AGAP1: variants seen among roughly 807,000 people sequenced by gnomAD.
The protein encoded by AGAP1 is arf-GAP with GTPase, ANK repeat and PH domain-containing protein 1.
AGAP1 carries 29 observed loss-of-function variants against 105.3 expected under a neutral mutation model. That is an observed-to-expected ratio of 0.28 (90% CI 0.21 to 0.38). AGAP1 has a LOEUF of 0.38. Among genes scored for constraint, AGAP1 ranks in the 10% least tolerant of loss-of-function variants. The pLI is 1.00. For synonymous variants in AGAP1, 509 were observed against 485.9 expected (o/e 1.05, Z -0.63); for missense variants, 998 against 1,165.1 (o/e 0.86, Z 2.09).
rs750695644 is a variant in AGAP1, at chr2:235,961,340, G to A, written c.1484-7122G>A. ...CCTGCCTAGCAGAACCCCTCCACAC[G>A]GCTCCCCGTCTAAGGCGGCAGGGAT... On this transcript the variant is annotated intron_variant, in intron 12 of 17. Transcript: ENST00000304032. The surrounding 1 kb of genome is among the most constrained non-coding windows in gnomAD (Gnocchi z 5.9). Among the ~76,000 whole-genome samples, 3 of 152,202 alleles carry A rather than the reference G, an allele frequency of 2.0e-5. No individual in the cohort carries two copies. The highest frequency in any genetic ancestry group is 2.1e-4 in the South Asian group (1 of 4,834).
intron 6 of AGAP1, among the ~76,000 whole-genome samples, chr2:235,761,576 C>T (rs543549055): frequency 2.6e-5 from 4 of 152,288 alleles, no homozygotes; most frequent in African/African-American, 9.6e-5. Context: ...TTAATGCATA[C>T]AAATGGCTTT....
At chr2:235,974,770 A>G (rs1205395561) in intron 13 of AGAP1, among the ~76,000 whole-genome samples, 1 of 152,254 alleles carries the variant, frequency 6.6e-6, no homozygotes, top group Non-Finnish European at 1.5e-5. Context: ...TCACTCTTTC[A>G]AAGGAGAACC....
In AGAP1 at chr2:235,960,725, G is replaced by T. The variant is rs548589813; in HGVS notation, c.1484-7737G>T. ...ATCAGCCCCGTGGGACAGGGGTCTT[G>T]CCCTTTATTCTCTGACAGCGGCCAG... On this transcript the variant is annotated intron_variant, in intron 12 of 17. Coordinates refer to ENST00000304032, the MANE Select transcript of AGAP1 (RefSeq NM_001037131.3). This position sits in a 1 kb window ranked among gnomAD's most constrained non-coding sequence, Gnocchi z 4.9. 1.3e-5 allele frequency among the ~76,000 whole-genome samples: 2 copies of T among 152,326 alleles called. No individual in the cohort carries two copies. The highest frequency in any genetic ancestry group is 4.1e-4 in the South Asian group (2 of 4,830).
chr2:235,950,199 AAG>A (rs1221028839), intron 12 of AGAP1, among the ~76,000 whole-genome samples: 1 of 152,154 alleles, frequency 6.6e-6, no homozygotes, highest in African/African-American at 2.4e-5. Flanking sequence ...AATTTGGAGT[AAG>A]AAACTCCCGC....
At chr2:235,562,627 T>C (rs1944196150) in intron 1 of AGAP1, among the ~76,000 whole-genome samples, 1 of 152,174 alleles carries the variant, frequency 6.6e-6, no homozygotes, top group Non-Finnish European at 1.5e-5. Flanking sequence ...CCACATGCCT[T>C]CTTTTGTGAA....
At chr2:235,500,273 G>A (rs745996858) in intron 1 of AGAP1, among the ~76,000 whole-genome samples, 1 of 150,534 alleles carries the variant, frequency 6.6e-6, no homozygotes, top group Non-Finnish European at 1.5e-5. Flanking sequence ...TATCTTTGGC[G>A]TCACACCGAG....
intron 3 of AGAP1, among the ~76,000 whole-genome samples, chr2:235,722,440 G>T (rs74514740): frequency 2.0e-3 from 305 of 152,264 alleles, no homozygotes; most frequent in African/African-American, 6.9e-3. Flanking sequence ...GGCTGGGAGG[G>T]TTAAGGTGGT....
At chr2:235,816,393 G>T (rs1410421735) in intron 9 of AGAP1, among the ~76,000 whole-genome samples, 1 of 131,660 alleles carries the variant, frequency 7.6e-6, no homozygotes. Context: ...AGCCAAGATC[G>T]CACCACTGCA....
In AGAP1 at chr2:235,535,405, C is replaced by G. The variant is rs957622214; in HGVS notation, c.163+40556C>G. Among the ~76,000 whole-genome samples, 1 of 151,966 alleles carries G rather than the reference C, an allele frequency of 6.6e-6. No individual in the cohort carries two copies. Among genetic ancestry groups the G allele is most frequent in the South Asian group, 2.1e-4 (1 of 4,828 alleles). Reference sequence around the variant, plus strand: ...CGCCTGACCCTCATTATGTCAGTTACTACTAAATGAAATTAGAACTTCACT... The same window carrying G: ...CGCCTGACCCTCATTATGTCAGTTAGTACTAAATGAAATTAGAACTTCACT... On this transcript the variant is annotated intron_variant, in intron 1 of 17. Transcript: ENST00000304032. The surrounding 1 kb of genome is among the most constrained non-coding windows in gnomAD (Gnocchi z 5.1).
Position 235,963,715 on chromosome 2 carries a change from A to G in AGAP1, c.1484-4747A>G, listed in dbSNP as rs1214035682. Among the ~76,000 whole-genome samples the G allele has an allele frequency of 6.6e-6, 1 of 152,176 alleles. No individual in the cohort carries two copies. Among genetic ancestry groups the G allele is most frequent in the Non-Finnish European group, 1.5e-5 (1 of 68,026 alleles). On this transcript the variant is annotated intron_variant, in intron 12 of 17. Coordinates refer to ENST00000304032, the MANE Select transcript of AGAP1 (RefSeq NM_001037131.3). This position sits in a 1 kb window ranked among gnomAD's most constrained non-coding sequence, Gnocchi z 5.1. ...CTATCTTGACTCCACCCTGTTCACC[A>G]TCTTTTTCATTGATGTGGATGGATA...
chr2:235,806,773 A>AGT (rs569874222), intron 8 of AGAP1, among the ~76,000 whole-genome samples: 48 of 152,364 alleles, frequency 3.2e-4, no homozygotes, highest in Admixed American at 1.0e-3. Context: ...ACTAATCAAG[A>AGT]GTGTGCCGTT....
At position 235,612,788 on chromosome 2, in the gene AGAP1, T is replaced by C. The variant is rs1203720130; in HGVS notation, c.164-96391T>C. On this transcript the variant is annotated intron_variant, in intron 1 of 17. Coordinates refer to ENST00000304032, the MANE Select transcript of AGAP1 (RefSeq NM_001037131.3). This position sits in a 1 kb window ranked among gnomAD's most constrained non-coding sequence, Gnocchi z 4.3. ...GCATACCTGGCACCTGCTTCCAGGT[T>C]GGCCTGCCAGCCGATGTTGTGATCT... is the stretch of plus-strand genomic sequence containing the variant. Among the ~76,000 whole-genome samples, 1 of 152,154 alleles carries C rather than the reference T, an allele frequency of 6.6e-6. No homozygotes were observed. The highest frequency in any genetic ancestry group is 1.5e-5 in the Non-Finnish European group (1 of 68,038).
chr2:235,890,398 C>T (rs181347050), intron 10 of AGAP1, among the ~76,000 whole-genome samples: 427 of 152,202 alleles, frequency 2.8e-3, no homozygotes, highest in African/African-American at 8.7e-3. Context: ...GTGATCCACC[C>T]GCCTCAGCCT....
intron 12 of AGAP1, among the ~76,000 whole-genome samples, chr2:235,940,963 G>C (rs1439330161): frequency 2.6e-5 from 4 of 152,202 alleles, no homozygotes; most frequent in Non-Finnish European, 5.9e-5. Flanking sequence ...TGGCAGGGGT[G>C]GGGTGGCTTG....
chr2:235,616,869 A>G (rs1946323109), intron 1 of AGAP1, among the ~76,000 whole-genome samples: 2 of 152,196 alleles, frequency 1.3e-5, no homozygotes, highest in Admixed American at 1.3e-4. Context: ...CGCTGAAGTG[A>G]GGAGGGGTGT....
At chr2:235,661,988 G>T (rs1473639673) in intron 1 of AGAP1, among the ~76,000 whole-genome samples, 1 of 152,182 alleles carries the variant, frequency 6.6e-6, no homozygotes, top group Non-Finnish European at 1.5e-5. Flanking sequence ...GGCAGGGAAA[G>T]GGCTTTTGGA....
chr2:235,773,306 G>A (rs1955602135), intron 6 of AGAP1, among the ~76,000 whole-genome samples: 1 of 152,106 alleles, frequency 6.6e-6, no homozygotes, highest in Non-Finnish European at 1.5e-5. Flanking sequence ...GTGGAAGTGA[G>A]GTTACAAAGG....
Position 235,842,759 on chromosome 2 carries a change from A to G in AGAP1, c.1050+35428A>G, listed in dbSNP as rs1961011285. Among the ~76,000 whole-genome samples, 2 of 151,902 alleles carry G rather than the reference A, an allele frequency of 1.3e-5. No individual in the cohort carries two copies. Among genetic ancestry groups the G allele is most frequent in the Non-Finnish European group, 2.9e-5 (2 of 67,950 alleles). ...TTTTGTTTTTTTGAGATGGAGTCTC[A>G]CTCTGTCACCCAGGCCCGAGTGCAG... On this transcript the variant is annotated intron_variant, in intron 9 of 17. Transcript: ENST00000304032. The surrounding 1 kb of genome is among the most constrained non-coding windows in gnomAD (Gnocchi z 5.3).
At chr2:235,575,073 C>T (rs754972750) in intron 1 of AGAP1, among the ~76,000 whole-genome samples, 67 of 151,998 alleles carry the variant, frequency 4.4e-4, no homozygotes, top group Non-Finnish European at 7.9e-4. Flanking sequence ...CAGTGAGCCA[C>T]GATCGTACCA....
Sources: allele counts gnomAD v4.1 joint callset (sites outside exome capture counted in the v4.1 genomes callset), GRCh38; gene constraint gnomAD v4.1.1; non-coding constraint Gnocchi (gnomAD v3.1); transcripts MANE v1.5; gene names NCBI Gene and HGNC (gene_info 2026-07-23, HGNC 2026-07-21).